The following ARAP3 variants were observed in gnomAD, a reference collection of about 807,000 sequenced individuals.
ARAP3 encodes the protein ArfGAP with RhoGAP domain, ankyrin repeat and PH domain 3.
In ARAP3, 82 loss-of-function variants were observed where a neutral mutation model predicts 169.2. The observed-to-expected ratio is 0.48, with a 90% CI of 0.41 to 0.58. The LOEUF (loss-of-function observed/expected upper bound fraction) is 0.58. ARAP3 is among the 20% of genes least tolerant of loss of function. The pLI is 0.00. For synonymous variants in ARAP3, 791 were observed against 800.3 expected, an observed-to-expected ratio of 0.99 and a Z score of 0.20; for missense variants, 1,764 against 2,018.0, an observed-to-expected ratio of 0.87 and a Z score of 2.41.
intron 4 of ARAP3, among the ~76,000 whole-genome samples, 186 bp from the exon 5 acceptor site, chr5:141,673,994 G>A (rs1354025184): frequency 1.5e-4 from 18 of 118,568 alleles, no homozygotes; most frequent in Admixed American, 3.7e-4. Flanking sequence ...ATGGAGCTTC[G>A]CTCTTGTTGC....
intron 16 of ARAP3, among the ~76,000 whole-genome samples, chr5:141,669,136 C>T (rs1235585893): frequency 6.6e-6 from 1 of 152,118 alleles, no homozygotes; most frequent in Non-Finnish European, 1.5e-5. Context: ...TACGCCCACC[C>T]TACAGATGTG....
At chr5:141,661,567 T>G in intron 21 of ARAP3, 117 bp downstream of exon 21, 1 of 1,090,576 alleles carries the variant, frequency 9.2e-7, no homozygotes, top group Non-Finnish European at 1.4e-6. Context: ...CTATGATACC[T>G]TCACTTAACA....
intron 16 of ARAP3, 44 bp from the exon 17 acceptor site, chr5:141,666,687 G>T: frequency 9.2e-7 from 1 of 1,092,264 alleles, no homozygotes; most frequent in Non-Finnish European, 1.2e-6. Context: ...GATGGGGGAA[G>T]AGACAAGGAA....
intron 2 of ARAP3, 66 bp downstream of exon 2, chr5:141,679,897 C>T (rs1241469352): frequency 9.9e-6 from 16 of 1,611,186 alleles, no homozygotes; most frequent in South Asian, 7.7e-5. Flanking sequence ...TCCCCGCCTC[C>T]GTCCCCCTCA....
In ARAP3 at chr5:141,672,463, C is replaced by G. The variant is rs1274956145; in HGVS notation, c.1385+89G>C. The G allele has an allele frequency of 2.0e-6, 3 of 1,503,894 alleles. No homozygotes were observed. Among genetic ancestry groups the G allele is most frequent in the Non-Finnish European group, 9.1e-7 (1 of 1,103,144 alleles). The allele number at this position is 1,503,894 out of a possible 1,614,324, so 93.2% of individuals were successfully genotyped here. ...ACTACCATCTGTGCATACCCTCTGA[C>G]GTCCTACTAAAGAGGCCTCTAGTCC... On this transcript the variant is annotated intron_variant, in intron 9 of 32. Coordinates refer to ENST00000239440, the MANE Select transcript of ARAP3 (RefSeq NM_022481.6). This position sits in a 1 kb window ranked among gnomAD's most constrained non-coding sequence, Gnocchi z 4.9.
chr5:141,658,327 A>G (rs374333985), intron 25 of ARAP3, 38 bp downstream of exon 25: 10 of 1,585,190 alleles, frequency 6.3e-6, no homozygotes, highest in South Asian at 4.4e-5. Context: ...ACACACGCAT[A>G]TACACATGCA....
rs2099912689 is a variant in ARAP3, at chr5:141,679,575, C to T, written c.668G>A (p.Arg223Lys). The T allele has an allele frequency of 6.2e-7, 1 of 1,614,224 alleles. No homozygotes were observed. The highest frequency in any genetic ancestry group is 8.5e-7 in the Non-Finnish European group (1 of 1,180,044). Residue 223 changes from arginine to lysine, a missense_variant, in exon 4 of 33, where the codon AGA (arginine) becomes AAA (lysine). By Grantham distance (26) the Arg-to-Lys change is conservative. Transcript: ENST00000239440. ...TPGAPDRRES[R>K]GVCQGRAEHR... ...TTCAGCCCTGCCCTGACAAACACCT[C>T]TGCTCTCTCTTCTGTCGGGGGCTCC...
chr5:141,661,951 G>C, intron 20 of ARAP3, 92 bp downstream of exon 20: 1 of 1,554,198 alleles, frequency 6.4e-7, no homozygotes, highest in Non-Finnish European at 8.8e-7. Flanking sequence ...AGGGTGGGAA[G>C]TGATGGGGCG....
Position 141,672,337 on chromosome 5 carries a change from T to A in ARAP3, c.1386-36A>T. 1 of 1,607,576 alleles carries A rather than the reference T, an allele frequency of 6.2e-7. No individual in the cohort carries two copies. The highest frequency in any genetic ancestry group is 8.5e-7 in the Non-Finnish European group (1 of 1,175,594). On this transcript the variant is annotated intron_variant, in intron 9 of 32. Coordinates refer to ENST00000239440, the MANE Select transcript of ARAP3 (RefSeq NM_022481.6). This position sits in a 1 kb window ranked among gnomAD's most constrained non-coding sequence, Gnocchi z 4.9. ...GACAGCCAGTCCATGGGCATGGACCTACCTGCCATGTCCCATCCCCCTGGC... is the reference window on the plus strand; with the variant it reads ...GACAGCCAGTCCATGGGCATGGACCAACCTGCCATGTCCCATCCCCCTGGC...
chr5:141,658,684 CA>C (rs757080340), intron 23 of ARAP3, 31 bp from the exon 24 acceptor site: 36 of 1,553,456 alleles, frequency 2.3e-5, no homozygotes, highest in Admixed American at 8.9e-5. Flanking sequence ...GTCAGAAGGG[CA>C]AAAAAAGGGT....
chr5:141,679,394 C>A (rs2099912666), intron 4 of ARAP3, 151 bp downstream of exon 4: 1 of 682,804 alleles, frequency 1.5e-6, no homozygotes, highest in Admixed American at 2.7e-5. Context: ...TCACAAGCTG[C>A]CTGAGGGTGG....
chr5:141,676,504 C>T (rs888411506), intron 4 of ARAP3, among the ~76,000 whole-genome samples: 1 of 152,210 alleles, frequency 6.6e-6, no homozygotes, highest in Non-Finnish European at 1.5e-5. Context: ...CACCCCATCA[C>T]TCTGAGACTG....
Position 141,654,135 on chromosome 5 carries a change from G to C in ARAP3, c.4450C>G (p.Gln1484Glu), listed in dbSNP as rs950205804. The stretch of plus-strand genomic sequence containing the variant: ...AGGCTGCTGAGCTCCTGGAGCAGCT[G>C]TTCCTCTAGGGACCCCCGTGCCTGG... ...SPQARGSLEE[Q>E]LLQELSSLIL... is the part of the protein sequence containing the mutation. The change falls in exon 33 of 33, where the codon CAG (glutamine) becomes GAG (glutamate). Residue 1484 changes from glutamine to glutamate, a missense_variant. This residue lies in a region of ARAP3 where 1,112 missense variants were observed against 1,285.7 expected (regional missense o/e 0.86). Transcript: ENST00000239440. The C allele has an allele frequency of 6.2e-7, 1 of 1,613,160 alleles. No individual in the cohort carries two copies. The highest frequency in any genetic ancestry group is 2.2e-5 in the East Asian group (1 of 44,870).
rs752080255 is a variant in ARAP3, at chr5:141,672,861, G to A, written c.1158C>T (p.His386=). ...GTCGGGGTGGTTGGGGGGGCCGGGG[G>A]TGGCCCAGGAGGCGCTGCTCCTTCA... ...SCLKEQRLLG[H]PRPPQPPRPL... The change falls in exon 8 of 33, where the codon CAC becomes CAT. Residue 386 remains histidine, a synonymous_variant. Coordinates refer to ENST00000239440, the MANE Select transcript of ARAP3 (RefSeq NM_022481.6). This position sits in a 1 kb window ranked among gnomAD's most constrained non-coding sequence, Gnocchi z 4.9. 1.9e-6 allele frequency: 3 copies of A among 1,606,226 alleles called. No homozygotes were observed. The highest frequency in any genetic ancestry group is 1.3e-5 in the African/African-American group (1 of 74,776).
intron 23 of ARAP3, among the ~76,000 whole-genome samples, chr5:141,659,029 G>C (rs1368096131): frequency 6.6e-6 from 1 of 152,186 alleles, no homozygotes; most frequent in African/African-American, 2.4e-5. Context: ...TTGGAATATA[G>C]TAAGTCCTCA....
In ARAP3 at chr5:141,661,700, T is replaced by G; in HGVS notation, c.3103A>C (p.Ile1035Leu). 2 of 1,614,204 alleles carry G rather than the reference T, an allele frequency of 1.2e-6. No individual in the cohort carries two copies. The highest frequency in any genetic ancestry group is 1.6e-4 in the Middle Eastern group (1 of 6,062). The change falls in exon 21 of 33, where the codon ATT becomes CTT. Residue 1035 changes from isoleucine (I) to leucine (L), a missense_variant. Physicochemically the swap from Ile to Leu is conservative, Grantham distance 5 (BLOSUM62 2). Transcript: ENST00000239440. ...RVNRRTLATLIGHLYRVQKCA... is the reference protein window; with the variant it reads ...RVNRRTLATLLGHLYRVQKCA... The stretch of plus-strand genomic sequence containing the variant: ...CATACTGACCGATAGAGATGCCCAA[T>G]GAGGGTGGCCAGTGTGCGGCGGTTG...
intron 29 of ARAP3, 31 bp downstream of exon 29, chr5:141,656,033 C>G (rs1479014913): frequency 4.3e-6 from 7 of 1,614,004 alleles, no homozygotes; most frequent in Non-Finnish European, 5.9e-6. Context: ...AGAGGTGGGC[C>G]AGAGGAGAAG....
At chr5:141,681,174 G>C (rs2099912925) in intron 1 of ARAP3, among the ~76,000 whole-genome samples, 1 of 152,182 alleles carries the variant, frequency 6.6e-6, no homozygotes, top group African/African-American at 2.4e-5. Context: ...GTCCTAATGT[G>C]TGGGGTCCCG....
In ARAP3 at chr5:141,656,375, C is replaced by G. The variant is rs867177043; in HGVS notation, c.3790-99G>C. On this transcript the variant is annotated intron_variant, in intron 27 of 32. Coordinates refer to ENST00000239440, the MANE Select transcript of ARAP3 (RefSeq NM_022481.6). ...GCAATGGGGTCTGTGGTCACAGGGT[C>G]ACAGAAGTCGGGGGCAGGGAAGCAA... 32 of 1,600,126 alleles carry G rather than the reference C, an allele frequency of 2.0e-5. No individual in the cohort carries two copies. In the South Asian group the frequency reaches 3.5e-4, roughly 18 times the overall value.
Sources: allele counts gnomAD v4.1 joint callset (sites outside exome capture counted in the v4.1 genomes callset), GRCh38; gene constraint gnomAD v4.1.1; regional missense constraint gnomAD v4.1.1; non-coding constraint Gnocchi (gnomAD v3.1); transcripts MANE v1.5; gene names NCBI Gene and HGNC (gene_info 2026-07-23, HGNC 2026-07-21).